Variants in NRG1 observed in about 807,000 individuals in gnomAD.
NRG1 encodes pro-neuregulin-1, membrane-bound isoform.
In NRG1, 18 loss-of-function variants were observed where a neutral mutation model predicts 63.8. That is an observed-to-expected ratio of 0.28 (90% CI 0.19 to 0.42). NRG1 has a LOEUF of 0.42. Among genes scored for constraint, NRG1 ranks in the 10% least tolerant of loss-of-function variants. NRG1 has a pLI of 1.00. For synonymous variants in NRG1, 302 were observed against 301.3 expected (o/e 1.00, Z -0.02); for missense variants, 762 against 814.7 (o/e 0.94, Z 0.79).
At chr8:31,879,887 T>A (rs1446713929) in intron 1 of NRG1, among the ~76,000 whole-genome samples, 1 of 152,222 alleles carries the variant, frequency 6.6e-6, no homozygotes, top group African/African-American at 2.4e-5. Flanking sequence ...AAATATATGA[T>A]TGTGTTCTTT....
intron 1 of NRG1, among the ~76,000 whole-genome samples, chr8:32,037,560 C>T (rs903904900): frequency 4.6e-5 from 7 of 152,174 alleles, no homozygotes; most frequent in East Asian, 3.9e-4. Context: ...ATACCGCAGC[C>T]GCCCCTCCTC....
rs867648944 is a variant in NRG1 at position 32,747,732 on chromosome 8, G to A, written c.691+4999G>A. Among the ~76,000 whole-genome samples the A allele has an allele frequency of 6.2e-4, 82 of 132,110 alleles. 1 individual carries two copies. Among genetic ancestry groups the A allele is most frequent in the South Asian group, 9.8e-4 (4 of 4,094 alleles). The allele number at this position is 132,110 out of a possible 152,430, so 86.7% of individuals were successfully genotyped here. On this transcript the variant is annotated intron_variant, in intron 7 of 11. Coordinates refer to ENST00000356819, the Ensembl canonical transcript of NRG1. Reference sequence around the variant, plus strand: ...TGTTTGTGTGCATATATGTGTGTGTGTATATATATATATATATATATATAT... The same window carrying A: ...TGTTTGTGTGCATATATGTGTGTGTATATATATATATATATATATATATAT...
intron 1 of NRG1, among the ~76,000 whole-genome samples, chr8:31,670,855 G>C (rs1807063535): frequency 6.6e-6 from 1 of 151,880 alleles, no homozygotes. Context: ...TTTGTTACTT[G>C]GGTAAATTGC....
chr8:32,388,817 T>G (rs954661995), intron 1 of NRG1, among the ~76,000 whole-genome samples: 2 of 152,122 alleles, frequency 1.3e-5, no homozygotes, highest in African/African-American at 4.8e-5. Flanking sequence ...ATGATAAAGT[T>G]TTTTTTGGGG....
intron 1 of NRG1, among the ~76,000 whole-genome samples, chr8:31,855,708 C>T (rs1484310554): frequency 6.6e-6 from 1 of 152,206 alleles, no homozygotes; most frequent in Middle Eastern, 3.4e-3. Context: ...TTCCTAGTAT[C>T]GATGGTCTTT....
intron 1 of NRG1, among the ~76,000 whole-genome samples, chr8:32,437,514 G>C (rs555616961): frequency 3.3e-4 from 50 of 152,290 alleles, no homozygotes; most frequent in Non-Finnish European, 5.4e-4. Context: ...AATGCTTGTT[G>C]ATGGGCAAAT....
intron 1 of NRG1, among the ~76,000 whole-genome samples, chr8:32,483,502 T>C (rs1825547597): frequency 6.6e-6 from 1 of 152,238 alleles, no homozygotes; most frequent in African/African-American, 2.4e-5. Flanking sequence ...TAGAGCAAAG[T>C]GACTACTTCA....
chr8:32,325,407 G>C (rs914599206), intron 1 of NRG1, among the ~76,000 whole-genome samples: 1 of 152,184 alleles, frequency 6.6e-6, no homozygotes, highest in Non-Finnish European at 1.5e-5. Flanking sequence ...TTTTGAGACA[G>C]AGACAGCTCT....
At chr8:32,707,041 A>T (rs1398917964) in intron 5 of NRG1, among the ~76,000 whole-genome samples, 2 of 152,086 alleles carry the variant, frequency 1.3e-5, no homozygotes, top group Non-Finnish European at 2.9e-5. Flanking sequence ...ATTCTAAAAA[A>T]TGTAAAAAGA....
intron 1 of NRG1, among the ~76,000 whole-genome samples, chr8:31,669,607 A>G (rs535551970): frequency 1.8e-4 from 27 of 152,336 alleles, no homozygotes; most frequent in Admixed American, 1.6e-3. Flanking sequence ...CAGAAAAAAA[A>G]GGATTACTGT....
At chr8:32,076,008 A>G (rs1292204879) in intron 1 of NRG1, among the ~76,000 whole-genome samples, 1 of 152,064 alleles carries the variant, frequency 6.6e-6, no homozygotes, top group Non-Finnish European at 1.5e-5. Context: ...AATATTTTTG[A>G]TCTATGATTG....
At chr8:31,761,882 T>G (rs1817597213) in intron 1 of NRG1, among the ~76,000 whole-genome samples, 1 of 152,134 alleles carries the variant, frequency 6.6e-6, no homozygotes, top group African/African-American at 2.4e-5. Context: ...GCCACAAAGA[T>G]TTAATAGGTA....
At chr8:32,424,895 A>C (rs1371895541) in intron 1 of NRG1, among the ~76,000 whole-genome samples, 1 of 152,024 alleles carries the variant, frequency 6.6e-6, no homozygotes, top group Non-Finnish European at 1.5e-5. Flanking sequence ...AAACAAACAA[A>C]CAAAAAAACA....
At chr8:32,319,980 G>A (rs1339242820) in intron 1 of NRG1, among the ~76,000 whole-genome samples, 2 of 152,104 alleles carry the variant, frequency 1.3e-5, no homozygotes, top group African/African-American at 4.8e-5. Context: ...GCCCCAGGAG[G>A]AAGAATAGGA....
At chr8:32,763,606 G>A (rs573011523) in intron 11 of NRG1, 142 bp from the exon 12 acceptor site, 106 of 1,087,612 alleles carry the variant, frequency 9.7e-5, no homozygotes, top group Middle Eastern at 4.9e-4. Flanking sequence ...GAATTTCCTA[G>A]CCTAAATAAT....
rs754364784 is a variant in NRG1 at position 32,647,802 on chromosome 8, C to T, written c.502+30917C>T. 6.8e-6 allele frequency: 11 copies of T among 1,613,756 alleles called. No individual in the cohort carries two copies. In the South Asian group the frequency reaches 1.2e-4, roughly 18 times the overall value. ...CACTCAGCTGAGTGCAGACCCATCTCTTGATGGGCTTCCGGCAGCAGAAGA... is the reference window on the plus strand; with the variant it reads ...CACTCAGCTGAGTGCAGACCCATCTTTTGATGGGCTTCCGGCAGCAGAAGA... On this transcript the variant is annotated intron_variant, in intron 5 of 11. Coordinates refer to ENST00000356819, the Ensembl canonical transcript of NRG1.
At chr8:32,733,464 A>G (rs1320649283) in intron 6 of NRG1, among the ~76,000 whole-genome samples, 1 of 141,912 alleles carries the variant, frequency 7.0e-6, no homozygotes, top group Non-Finnish European at 1.5e-5. Flanking sequence ...CGTATTTGAT[A>G]ATATATATAA....
At chr8:32,140,939 TTCTCTC>T (rs147651599) in intron 1 of NRG1, among the ~76,000 whole-genome samples, 3 of 149,366 alleles carry the variant, frequency 2.0e-5, no homozygotes, top group Non-Finnish European at 4.5e-5. Context: ...TTTATGCACC[TTCTCTC>T]TCTCTCTCTC....
chr8:31,766,396 A>C (rs1586251239), intron 1 of NRG1, among the ~76,000 whole-genome samples: 1 of 152,140 alleles, frequency 6.6e-6, no homozygotes, highest in African/African-American at 2.4e-5. Context: ...ACTTCTTTGG[A>C]AAGAGAAAAG....
Sources: gnomAD v4.1 joint callset for allele counts (sites outside exome capture counted in the v4.1 genomes callset) on GRCh38, gnomAD v4.1.1 for gene constraint, MANE v1.5 for transcripts, NCBI Gene and HGNC (gene_info 2026-07-23, HGNC 2026-07-21) for gene names.